The following SPTB variants were observed in gnomAD, a reference collection of about 807,000 sequenced individuals.
SPTB encodes the protein spectrin beta chain, erythrocytic.
Under a neutral mutation model 256.2 loss-of-function variants are expected in SPTB, and 45 were observed. That is an observed-to-expected ratio of 0.18 (90% CI 0.14 to 0.23). The LOEUF is 0.23. SPTB is among the 10% of genes least tolerant of loss of function. SPTB has a pLI of 1.00. For missense variants in SPTB, 2,715 were observed against 3,040.4 expected (o/e 0.89, Z 2.52); for synonymous variants, 1,231 against 1,243.1 (o/e 0.99, Z 0.21).
At position 64,838,653 on chromosome 14, in the gene SPTB, A is replaced by G. The variant is rs182033027; in HGVS notation, c.-51-15508T>C. ...GAAAGTGTGCTCAAATTCATTCGTC[A>G]TTAGGAAAATGTAAATTAAAACCAC... On this transcript the variant is annotated intron_variant, in intron 1 of 35. Transcript: ENST00000644917. Among the ~76,000 whole-genome samples, 103 of 152,294 alleles carry G rather than the reference A, an allele frequency of 6.8e-4. 2 individuals carry two copies. Among genetic ancestry groups the G allele is most frequent in the Admixed American group, 5.0e-3 (76 of 15,290 alleles).
chr14:64,773,473 A>C, intron 24 of SPTB, 49 bp from the exon 25 acceptor site: 1 of 1,598,258 alleles, frequency 6.3e-7, no homozygotes, highest in South Asian at 1.1e-5. Context: ...CCACGAACCC[A>C]GAGCCGTGGC....
At chr14:64,753,043 C>G (rs1181398055) in intron 33 of SPTB, among the ~76,000 whole-genome samples, 5 of 152,148 alleles carry the variant, frequency 3.3e-5, no homozygotes, top group African/African-American at 1.2e-4. Context: ...CTAGGCCATG[C>G]CCCATCCCCA....
chr14:64,816,857 CT>C lies in SPTB; in HGVS notation c.148+6089del, dbSNP rs3216700. 0.096 allele frequency among the ~76,000 whole-genome samples: 14,532 copies of C among 152,128 alleles called. 1,713 individuals carry two copies. Among genetic ancestry groups the C allele is most frequent in the African/African-American group, 0.26 (10,807 of 41,440 alleles). Reference sequence around the variant, plus strand: ...ATGGGGCAGGGAGAATGGGTGCTGGCTTTTCCTGAGAGCCATAAACACAGAC... The same window carrying C: ...ATGGGGCAGGGAGAATGGGTGCTGGCTTTCCTGAGAGCCATAAACACAGAC... On this transcript the variant is annotated intron_variant, in intron 2 of 35. Coordinates refer to ENST00000644917, the MANE Select transcript of SPTB (RefSeq NM_001355436.2). This position sits in a 1 kb window ranked among gnomAD's most constrained non-coding sequence, Gnocchi z 4.2.
chr14:64,835,460 G>A (rs2139737527), intron 1 of SPTB, among the ~76,000 whole-genome samples: 1 of 152,264 alleles, frequency 6.6e-6, no homozygotes, highest in African/African-American at 2.4e-5. Flanking sequence ...TGGTCAGGCT[G>A]GTCTCGAACT....
Position 64,806,723 on chromosome 14 carries a change from C to G in SPTB, c.149-1633G>C, listed in dbSNP as rs185114884. On this transcript the variant is annotated intron_variant, in intron 2 of 35. Coordinates refer to ENST00000644917, the MANE Select transcript of SPTB (RefSeq NM_001355436.2). This position sits in a 1 kb window ranked among gnomAD's most constrained non-coding sequence, Gnocchi z 4.1. ...CCAGGCCCTGGGTGGTGGTGGGGAA[C>G]TCAAGGACAAGACTGATGGTCCCTA... Among the ~76,000 whole-genome samples, 346 of 152,284 alleles carry G rather than the reference C, an allele frequency of 2.3e-3. 1 individual carries two copies. The highest frequency in any genetic ancestry group is 3.6e-3 in the Non-Finnish European group (246 of 68,012).
chr14:64,757,777 G>A (rs997812752), intron 32 of SPTB, among the ~76,000 whole-genome samples: 23 of 152,200 alleles, frequency 1.5e-4, no homozygotes, highest in African/African-American at 5.5e-4. Context: ...TCCCTGGAGG[G>A]GGACAAGGAG....
In SPTB at chr14:64,793,377, G is replaced by A. The variant is rs1273387091; in HGVS notation, c.2286C>T (p.Ala762=). Residue 762 remains alanine (A), a synonymous_variant, in exon 14 of 36, where the codon GCC becomes GCT. Transcript: ENST00000644917. The surrounding 1 kb of genome is among the most constrained non-coding windows in gnomAD (Gnocchi z 7.0). The part of the protein sequence containing the change: ...ADDLKAWLQD[A]HRLLSGEDVG... ...CATCTTCACCAGAGAGCAGCCGGTGGGCGTCTTGCAGCCAAGCCTTCAGGT... is the reference window on the plus strand; with the variant it reads ...CATCTTCACCAGAGAGCAGCCGGTGAGCGTCTTGCAGCCAAGCCTTCAGGT... 1.2e-6 allele frequency: 2 copies of A among 1,612,616 alleles called. No homozygotes were observed. Among genetic ancestry groups the A allele is most frequent in the Non-Finnish European group, 1.7e-6 (2 of 1,180,030 alleles).
chr14:64,783,008 A>C (rs2139549043), intron 19 of SPTB, among the ~76,000 whole-genome samples: 1 of 152,176 alleles, frequency 6.6e-6, no homozygotes, highest in South Asian at 2.1e-4. Context: ...GCTGTGAGAA[A>C]AAGGATTCCA....
In SPTB at chr14:64,786,296, C is replaced by G. The variant is rs1486476666; in HGVS notation, c.3561+108G>C. ...TTCCCCCATGAGTGAATACAGAGTACAAGACAAGAGTAATGTGGTCCCTGA... is the reference window on the plus strand; with the variant it reads ...TTCCCCCATGAGTGAATACAGAGTAGAAGACAAGAGTAATGTGGTCCCTGA... On this transcript the variant is annotated intron_variant, in intron 16 of 35. Coordinates refer to ENST00000644917, the MANE Select transcript of SPTB (RefSeq NM_001355436.2). The surrounding 1 kb of genome is among the most constrained non-coding windows in gnomAD (Gnocchi z 5.6). 1.4e-6 allele frequency: 2 copies of G among 1,443,748 alleles called. No individual in the cohort carries two copies. The highest frequency in any genetic ancestry group is 1.9e-6 in the Non-Finnish European group (2 of 1,035,284). The allele number at this position is 1,443,748 out of a possible 1,614,324, so 89.4% of individuals were successfully genotyped here.
intron 1 of SPTB, among the ~76,000 whole-genome samples, chr14:64,867,070 A>G (rs1169383216): frequency 6.6e-6 from 1 of 152,186 alleles, no homozygotes; most frequent in Non-Finnish European, 1.5e-5. Context: ...TGACGATGTA[A>G]GTTAAAATCA....
chr14:64,838,529 C>G (rs945132586), intron 1 of SPTB, among the ~76,000 whole-genome samples: 43 of 152,134 alleles, frequency 2.8e-4, no homozygotes, highest in African/African-American at 9.9e-4. Flanking sequence ...ATATAAAAAA[C>G]TCAAAACTCA....
rs1882654348 is a variant in SPTB, at chr14:64,873,403, A to G, written c.-52+6389T>C. ...GCCCTCAAGATCACTGGACAAAAAG[A>G]GGCTGCTGAAGTCCAAAATGAAGCA... On this transcript the variant is annotated intron_variant, in intron 1 of 35. Transcript: ENST00000644917. This position sits in a 1 kb window ranked among gnomAD's most constrained non-coding sequence, Gnocchi z 4.3. 6.6e-6 allele frequency among the ~76,000 whole-genome samples: 1 copy of G among 152,240 alleles called. No individual in the cohort carries two copies. Among genetic ancestry groups the G allele is most frequent in the Non-Finnish European group, 1.5e-5 (1 of 68,034 alleles).
rs113221676 is a variant in SPTB, at chr14:64,823,671, C to T, written c.-51-526G>A. Among the ~76,000 whole-genome samples, 200 of 152,322 alleles carry T rather than the reference C, an allele frequency of 1.3e-3. 1 individual carries two copies. The highest frequency in any genetic ancestry group is 6.6e-3 in the South Asian group (32 of 4,822). On this transcript the variant is annotated intron_variant, in intron 1 of 35. Transcript: ENST00000644917. The surrounding 1 kb of genome is among the most constrained non-coding windows in gnomAD (Gnocchi z 6.5). ...GATGAGAGAGTTAAGCCGCCACTGA[C>T]GCCACCAGCCCGGGGCAGCTGCACT...
chr14:64,772,596 T>C lies in SPTB; in HGVS notation c.5537A>G (p.His1846Arg). 1.2e-6 allele frequency: 2 copies of C among 1,608,910 alleles called. No individual in the cohort carries two copies. Among genetic ancestry groups the C allele is most frequent in the South Asian group, 2.2e-5 (2 of 91,056 alleles). ...TGAAGGTACCTGGACACCCAGCAGG[T>C]GGAGCTCCCGCTCGAAGGCTGTGTG... ...RVHTAFEREL[H>R]LLGVQVQQFQ... Residue 1846 changes from histidine to arginine, a missense_variant, in exon 26 of 36, where the codon CAC becomes CGC. Transcript: ENST00000644917. The surrounding 1 kb of genome is among the most constrained non-coding windows in gnomAD (Gnocchi z 5.4).
At chr14:64,770,816 G>GC (rs1472537883) in intron 27 of SPTB, 69 bp downstream of exon 27, 1 of 1,609,960 alleles carries the variant, frequency 6.2e-7, no homozygotes, top group Non-Finnish European at 8.5e-7. Context: ...CCACAGTGCA[G>GC]CACCCTGGTT....
Position 64,775,506 on chromosome 14 carries a change from C to T in SPTB, c.4564-103G>A. The T allele has an allele frequency of 1.4e-6, 2 of 1,444,216 alleles. No homozygotes were observed. Among genetic ancestry groups the T allele is most frequent in the Non-Finnish European group, 1.9e-6 (2 of 1,073,888 alleles). The allele number at this position is 1,444,216 out of a possible 1,614,324, so 89.5% of individuals were successfully genotyped here. ...TCTGACACCCTTGGTCCCTCTCACC[C>T]CCGTTGCTAGAGCAGAGCAGGTGAT... is the stretch of plus-strand genomic sequence containing the variant. On this transcript the variant is annotated intron_variant, in intron 22 of 35. Transcript: ENST00000644917. This position sits in a 1 kb window ranked among gnomAD's most constrained non-coding sequence, Gnocchi z 5.0.
At position 64,778,619 on chromosome 14, in the gene SPTB, G is replaced by A. The variant is rs2082404973; in HGVS notation, c.4563+538C>T. Among the ~76,000 whole-genome samples, 1 of 152,158 alleles carries A rather than the reference G, an allele frequency of 6.6e-6. No homozygotes were observed. The highest frequency in any genetic ancestry group is 6.5e-5 in the Admixed American group (1 of 15,274). On this transcript the variant is annotated intron_variant, in intron 22 of 35. Coordinates refer to ENST00000644917, the MANE Select transcript of SPTB (RefSeq NM_001355436.2). The surrounding 1 kb of genome is among the most constrained non-coding windows in gnomAD (Gnocchi z 5.2). ...GCTAAGCGAGTGCCAAAAAGCAGAG[G>A]GATGTTTGCTCCAAGGGCTCAGAGT...
At chr14:64,861,863 C>A (rs375879763) in intron 1 of SPTB, among the ~76,000 whole-genome samples, 18 of 152,204 alleles carry the variant, frequency 1.2e-4, no homozygotes, top group African/African-American at 3.9e-4. Context: ...ACACGATTAA[C>A]CATCCTTTTC....
intron 8 of SPTB, among the ~76,000 whole-genome samples, chr14:64,800,376 A>G (rs2082860081): frequency 6.6e-6 from 1 of 152,238 alleles, no homozygotes; most frequent in Admixed American, 6.5e-5. Flanking sequence ...TAGCAGAGGG[A>G]AGGAATCTGG....
Sources: allele counts gnomAD v4.1 joint callset (sites outside exome capture counted in the v4.1 genomes callset), GRCh38; gene constraint gnomAD v4.1.1; non-coding constraint Gnocchi (gnomAD v3.1); transcripts MANE v1.5; gene names NCBI Gene and HGNC (gene_info 2026-07-23, HGNC 2026-07-21).